The following RERE variants were observed in gnomAD, a reference collection of about 807,000 sequenced individuals.
RERE encodes the protein arginine-glutamic acid dipeptide repeats protein.
Under a neutral mutation model 146.1 loss-of-function variants are expected in RERE, and 40 were observed. The ratio of observed to expected loss-of-function variants is 0.27; its 90% CI spans 0.21 to 0.36. The LOEUF (loss-of-function observed/expected upper bound fraction) is 0.36, where lower values mean the gene tolerates loss of function less well. RERE is among the 10% of genes least tolerant of loss of function. RERE has a pLI of 1.00. For synonymous variants in RERE, 1,003 were observed against 866.0 expected (o/e 1.16, Z -2.78); for missense variants, 1,933 against 2,138.7 (o/e 0.90, Z 1.90).
Position 8,360,113 on chromosome 1 carries a change from T to C in RERE, c.3394A>G (p.Arg1132Gly). The change falls in exon 18 of 23, where the codon AGG becomes GGG. Residue 1132 changes from arginine to glycine, a missense_variant and splice_region_variant. Coordinates refer to ENST00000400908, the MANE Select transcript of RERE (RefSeq NM_001042681.2). ...GTCCTGGAGCCCTAGGAAGCGTACC[T>C]AGCTGACTGGCTGGCGTGACTGGGG... is the stretch of plus-strand genomic sequence containing the variant. ...DTPSHASQSA[R>G]FYKHLDRGYN... 2 of 1,500,628 alleles carry C rather than the reference T, an allele frequency of 1.3e-6. No individual in the cohort carries two copies. Among genetic ancestry groups the C allele is most frequent in the South Asian group, 2.4e-5 (2 of 84,670 alleles). 93.0% of individuals were successfully genotyped at this position (1,500,628 alleles called of 1,614,324 possible).
At position 8,352,785 on chromosome 1, in the gene RERE, G is replaced by A. The variant is rs776882997; in HGVS notation, c.*2302C>T. 5 of 152,392 alleles carry A rather than the reference G, an allele frequency of 3.3e-5. No homozygotes were observed. Among genetic ancestry groups the A allele is most frequent in the East Asian group, 1.9e-4 (1 of 5,192 alleles). The allele number at this position is 152,392 out of a possible 1,614,324, so 9.4% of individuals were successfully genotyped here. On this transcript the variant is annotated 3_prime_UTR_variant, in exon 23 of 23. Coordinates refer to ENST00000400908, the MANE Select transcript of RERE (RefSeq NM_001042681.2). Reference sequence around the variant, plus strand: ...CTGTAGTTTATCTGGTGAGGGTTTCGGGTCGAGGGTTTTTTAGATGGAAGA... The same window carrying A: ...CTGTAGTTTATCTGGTGAGGGTTTCAGGTCGAGGGTTTTTTAGATGGAAGA...
Position 8,807,960 on chromosome 1 carries a change from A to G in RERE, c.-145+9200T>C, listed in dbSNP as rs528825469. Among the ~76,000 whole-genome samples the G allele has an allele frequency of 4.6e-5, 7 of 152,096 alleles. No homozygotes were observed. The South Asian group carries it at 1.0e-3, about 23-fold the overall frequency. On this transcript the variant is annotated intron_variant, in intron 1 of 22. Coordinates refer to ENST00000400908, the MANE Select transcript of RERE (RefSeq NM_001042681.2). ...AATAAAGTAATACTTCTAATTTCCT[A>G]CTTGCCATTGTTCTACTTATATAAA...
At chr1:8,473,699 T>C (rs1644719391) in intron 10 of RERE, among the ~76,000 whole-genome samples, 1 of 152,256 alleles carries the variant, frequency 6.6e-6, no homozygotes, top group South Asian at 2.1e-4. Flanking sequence ...TTCTTGCTAA[T>C]AGCCCTGTCC....
intron 1 of RERE, among the ~76,000 whole-genome samples, chr1:8,789,609 G>A (rs143610812): frequency 1.9e-3 from 286 of 151,882 alleles, no homozygotes; most frequent in African/African-American, 6.8e-3. Flanking sequence ...TTATTACCTC[G>A]CCCCAATTCC....
At chr1:8,546,345 C>A (rs540938447) in intron 6 of RERE, among the ~76,000 whole-genome samples, 1 of 151,516 alleles carries the variant, frequency 6.6e-6, no homozygotes, top group African/African-American at 2.4e-5. Context: ...TTTGTACTTC[C>A]CCTTTTGCCC....
At chr1:8,564,826 A>ATATATGTGTGTGTGTGTGTGTG (rs1384858524) in intron 4 of RERE, among the ~76,000 whole-genome samples, 1 of 117,834 alleles carries the variant, frequency 8.5e-6, no homozygotes, top group Non-Finnish European at 1.7e-5. Flanking sequence ...GTGTGTGTAT[A>ATATATGTGTGTGTGTGTGTGTG]TGTGTATGTG....
intron 1 of RERE, among the ~76,000 whole-genome samples, chr1:8,775,105 C>A (rs1285539586): frequency 6.6e-6 from 1 of 151,726 alleles, no homozygotes; most frequent in East Asian, 1.9e-4. Flanking sequence ...GGATTACAGG[C>A]GCACGCCACC....
intron 4 of RERE, among the ~76,000 whole-genome samples, chr1:8,603,601 T>C (rs1646660442): frequency 6.6e-6 from 1 of 152,108 alleles, no homozygotes; most frequent in Non-Finnish European, 1.5e-5. Flanking sequence ...TATAGCTGCA[T>C]TAGGGATATA....
At chr1:8,732,881 G>A (rs1005072226) in intron 1 of RERE, among the ~76,000 whole-genome samples, 7 of 143,844 alleles carry the variant, frequency 4.9e-5, no homozygotes, top group Non-Finnish European at 9.0e-5. Flanking sequence ...GAGTGCAGTG[G>A]CGCTATCTCA....
At chr1:8,686,870 A>T (rs1639100824) in intron 1 of RERE, among the ~76,000 whole-genome samples, 1 of 152,216 alleles carries the variant, frequency 6.6e-6, no homozygotes, top group Non-Finnish European at 1.5e-5. Flanking sequence ...CTGAGACTCG[A>T]AAGCGGGACG....
chr1:8,721,458 C>T (rs536482008), intron 1 of RERE, among the ~76,000 whole-genome samples: 9 of 152,066 alleles, frequency 5.9e-5, no homozygotes, highest in Non-Finnish European at 1.3e-4. Context: ...ACTGAAGGTG[C>T]CCACTACCAC....
At chr1:8,571,704 T>A (rs1166463749) in intron 4 of RERE, among the ~76,000 whole-genome samples, 1 of 152,242 alleles carries the variant, frequency 6.6e-6, no homozygotes. Flanking sequence ...AACCGTTCCA[T>A]CTACAAACAT....
Position 8,454,545 on chromosome 1 carries a change from G to A in RERE, c.1203+11380C>T, listed in dbSNP as rs568368851. 1.8e-3 allele frequency among the ~76,000 whole-genome samples: 267 copies of A among 152,038 alleles called. 1 individual carries two copies. Among genetic ancestry groups the A allele is most frequent in the African/African-American group, 5.8e-3 (242 of 41,464 alleles). On this transcript the variant is annotated intron_variant, in intron 11 of 22. Transcript: ENST00000400908. ...AGACTTGCTGGGTGTGGTGGCTCACGCCTGTAATGCCAGCACTTTGGGAGG... is the reference window on the plus strand; with the variant it reads ...AGACTTGCTGGGTGTGGTGGCTCACACCTGTAATGCCAGCACTTTGGGAGG...
intron 12 of RERE, among the ~76,000 whole-genome samples, chr1:8,370,042 G>A (rs902895058): frequency 4.6e-5 from 7 of 151,890 alleles, no homozygotes; most frequent in Admixed American, 3.9e-4. Context: ...TGCCTGCCTC[G>A]GCCTCCCAAA....
At chr1:8,426,414 A>G (rs113827177) in intron 11 of RERE, among the ~76,000 whole-genome samples, 4,474 of 148,552 alleles carry the variant, frequency 0.03, 238 homozygotes, top group African/African-American at 0.11. Flanking sequence ...AAATTGCGCC[A>G]CTGCACTCCA....
Position 8,356,101 on chromosome 1 carries a change from G to A in RERE, c.4485C>T (p.Phe1495=), listed in dbSNP as rs374213333. The change falls in exon 21 of 23, where the codon TTC becomes TTT. Residue 1495 remains phenylalanine, a splice_region_variant and synonymous_variant. Transcript: ENST00000400908. The surrounding 1 kb of genome is among the most constrained non-coding windows in gnomAD (Gnocchi z 5.2). ...CCCCTCCTGGAGGGGAAGTCTTACC[G>A]AAAACTGGGTGGCGAAGCATCTCGT... ...HEHEMLRHPV[F]GTPYPRDLPG... 9 of 1,497,424 alleles carry A rather than the reference G, an allele frequency of 6.0e-6. No homozygotes were observed. In the South Asian group the frequency reaches 6.6e-5, roughly 11 times the overall value. 92.8% of individuals were successfully genotyped at this position (1,497,424 alleles called of 1,614,324 possible). A position where few individuals can be genotyped will look rare whatever the true frequency, so the allele number is the denominator to read the frequency against.
intron 4 of RERE, among the ~76,000 whole-genome samples, chr1:8,612,177 A>G (rs1260495519): frequency 6.6e-6 from 1 of 152,368 alleles, no homozygotes; most frequent in East Asian, 1.9e-4. Flanking sequence ...AAAATAGTCT[A>G]TTAGGGAAGA....
intron 1 of RERE, among the ~76,000 whole-genome samples, chr1:8,660,541 G>A (rs930838055): frequency 2.6e-5 from 4 of 152,178 alleles, no homozygotes; most frequent in Admixed American, 6.5e-5. Flanking sequence ...ACAAGGCCAC[G>A]CAGCCAATGG....
chr1:8,593,692 G>C (rs1319473452), intron 4 of RERE, among the ~76,000 whole-genome samples: 3 of 152,266 alleles, frequency 2.0e-5, no homozygotes, highest in Non-Finnish European at 2.9e-5. Flanking sequence ...CTGCAGAGCA[G>C]TGATTTTTAC....
Sources: allele counts gnomAD v4.1 joint callset (sites outside exome capture counted in the v4.1 genomes callset), GRCh38; gene constraint gnomAD v4.1.1; non-coding constraint Gnocchi (gnomAD v3.1); transcripts MANE v1.5; gene names NCBI Gene and HGNC (gene_info 2026-07-23, HGNC 2026-07-21).